SYN3: variants seen among roughly 807,000 people sequenced by gnomAD.
SYN3 encodes synapsin-3.
In SYN3, 35 loss-of-function variants were observed where a neutral mutation model predicts 65.8. That is an observed-to-expected ratio of 0.53 (90% CI 0.41 to 0.70). The LOEUF is 0.70. SYN3 is among the 30% of genes least tolerant of loss of function. SYN3 has a pLI of 0.00. For missense variants in SYN3, 680 were observed against 749.0 expected (o/e 0.91, Z 1.08); for synonymous variants, 270 against 292.9 (o/e 0.92, Z 0.80).
At chr22:32,759,062 C>T (rs2045378763) in intron 6 of SYN3, among the ~76,000 whole-genome samples, 1 of 152,110 alleles carries the variant, frequency 6.6e-6, no homozygotes, top group Admixed American at 6.6e-5. Flanking sequence ...TATATCCCAA[C>T]CTCTCAATAT....
chr22:32,581,209 A>C (rs1298917943), intron 7 of SYN3, among the ~76,000 whole-genome samples: 4 of 152,088 alleles, frequency 2.6e-5, no homozygotes, highest in Non-Finnish European at 5.9e-5. Flanking sequence ...TCCCAGGTTC[A>C]AATAATTCTT....
intron 6 of SYN3, among the ~76,000 whole-genome samples, chr22:32,820,802 T>G (rs1231918154): frequency 6.6e-6 from 1 of 152,182 alleles, no homozygotes; most frequent in East Asian, 1.9e-4. Flanking sequence ...CAGATGTGGG[T>G]TCTTGGAAGG....
In SYN3 at chr22:32,648,046, T is replaced by C. The variant is rs146234758; in HGVS notation, c.712-51310A>G. On this transcript the variant is annotated intron_variant, in intron 6 of 13. Coordinates refer to ENST00000358763, the MANE Select transcript of SYN3 (RefSeq NM_003490.4). Reference sequence around the variant, plus strand: ...ACTTTTAGAAAAGTTTTTGTAGGGATTGGGGGGGTGTCTCACCACATTGCC... The same window carrying C: ...ACTTTTAGAAAAGTTTTTGTAGGGACTGGGGGGGTGTCTCACCACATTGCC... Among the ~76,000 whole-genome samples, 420 of 152,074 alleles carry C rather than the reference T, an allele frequency of 2.8e-3. 2 individuals carry two copies. The highest frequency in any genetic ancestry group is 9.4e-3 in the African/African-American group (389 of 41,456).
intron 13 of SYN3, among the ~76,000 whole-genome samples, chr22:32,517,236 T>C (rs556373168): frequency 6.6e-6 from 1 of 152,366 alleles, no homozygotes; most frequent in East Asian, 1.9e-4. Flanking sequence ...AAAATAACAT[T>C]TCATAACTCC....
At chr22:32,683,072 A>G (rs75676284) in intron 6 of SYN3, among the ~76,000 whole-genome samples, 3,317 of 152,252 alleles carry the variant, frequency 0.022, 116 homozygotes, top group African/African-American at 0.068. Context: ...AGAGTGGACA[A>G]ATAGGTGTGA....
chr22:33,023,126 G>T (rs2053585914), intron 1 of SYN3, among the ~76,000 whole-genome samples: 1 of 152,160 alleles, frequency 6.6e-6, no homozygotes, highest in Non-Finnish European at 1.5e-5. Flanking sequence ...AAGGCAGGAG[G>T]ATTGCTTGAG....
intron 6 of SYN3, chr22:32,849,401 G>C (rs76858597): frequency 7.1e-6 from 11 of 1,551,216 alleles, no homozygotes; most frequent in Non-Finnish European, 8.9e-6. Flanking sequence ...TGCTGTTCCT[G>C]ATGTGGTTCA....
At chr22:32,753,502 C>T (rs1434109336) in intron 6 of SYN3, among the ~76,000 whole-genome samples, 3 of 152,222 alleles carry the variant, frequency 2.0e-5, no homozygotes, top group Non-Finnish European at 4.4e-5. Context: ...CCAGCAGGGG[C>T]CTACACCCAG....
chr22:32,599,238 T>A (rs1400846474), intron 6 of SYN3, among the ~76,000 whole-genome samples: 1 of 152,108 alleles, frequency 6.6e-6, no homozygotes, highest in African/African-American at 2.4e-5. Context: ...ATTTCACATA[T>A]GGAAAAAGCC....
At chr22:32,605,514 C>T (rs1187666110) in intron 6 of SYN3, among the ~76,000 whole-genome samples, 5 of 152,200 alleles carry the variant, frequency 3.3e-5, no homozygotes, top group East Asian at 1.9e-4. Flanking sequence ...TTACATATAT[C>T]GCCCCACGTA....
chr22:32,674,515 G>A (rs925709452), intron 6 of SYN3, among the ~76,000 whole-genome samples: 2 of 152,198 alleles, frequency 1.3e-5, no homozygotes, highest in Non-Finnish European at 2.9e-5. Flanking sequence ...GAGATGCACA[G>A]AAAATGTTTG....
chr22:32,572,440 C>CTCCCTCCTT (rs1569051953), intron 7 of SYN3, among the ~76,000 whole-genome samples: 2 of 120,390 alleles, frequency 1.7e-5, no homozygotes, highest in African/African-American at 3.3e-5. Flanking sequence ...CCTTCCTTCC[C>CTCCCTCCTT]TCCTTCCTTT....
intron 3 of SYN3, among the ~76,000 whole-genome samples, chr22:32,980,124 T>C (rs1286076271): frequency 2.0e-5 from 3 of 152,230 alleles, no homozygotes; most frequent in African/African-American, 4.8e-5. Flanking sequence ...TAGCAAGAGA[T>C]AGTATTTGCA....
intron 7 of SYN3, among the ~76,000 whole-genome samples, chr22:32,564,849 C>T (rs1224931459): frequency 1.3e-5 from 2 of 151,184 alleles, no homozygotes; most frequent in Admixed American, 1.3e-4. Context: ...TACACCCAAA[C>T]AGTGCTCCCG....
intron 4 of SYN3, among the ~76,000 whole-genome samples, chr22:32,892,770 C>A (rs914937384): frequency 1.2e-4 from 18 of 152,126 alleles, no homozygotes; most frequent in African/African-American, 4.1e-4. Context: ...ATGAAGAGTT[C>A]TTTGTCCCTG....
intron 1 of SYN3, among the ~76,000 whole-genome samples, chr22:33,028,008 TG>T (rs2053667999): frequency 6.6e-6 from 1 of 152,178 alleles, no homozygotes; most frequent in African/African-American, 2.4e-5. Flanking sequence ...CACAGGGAGA[TG>T]AAGTGCCTTC....
intron 3 of SYN3, among the ~76,000 whole-genome samples, chr22:32,955,860 T>G (rs1469018778): frequency 6.6e-6 from 1 of 152,026 alleles, no homozygotes; most frequent in Non-Finnish European, 1.5e-5. Context: ...ATGAAAAGGC[T>G]AGACTGGCCT....
intron 6 of SYN3, among the ~76,000 whole-genome samples, chr22:32,734,247 C>G (rs1012212711): frequency 1.3e-5 from 2 of 152,204 alleles, no homozygotes; most frequent in African/African-American, 4.8e-5. Flanking sequence ...TGAGTGGATA[C>G]ACGCATGCAG....
intron 6 of SYN3, among the ~76,000 whole-genome samples, chr22:32,696,092 C>T (rs990503714): frequency 6.6e-6 from 1 of 152,158 alleles, no homozygotes; most frequent in African/African-American, 2.4e-5. Flanking sequence ...GTGTAAGGGT[C>T]CAGTGCTGAT....
Sources: allele counts gnomAD v4.1 joint callset (sites outside exome capture counted in the v4.1 genomes callset), GRCh38; gene constraint gnomAD v4.1.1; transcripts MANE v1.5; gene names NCBI Gene and HGNC (gene_info 2026-07-23, HGNC 2026-07-21).